Variants in ZFAND3 observed in about 807,000 individuals in gnomAD.
The protein encoded by ZFAND3 is AN1-type zinc finger protein 3.
Under a neutral mutation model 29.6 loss-of-function variants are expected in ZFAND3, and 10 were observed. The ratio of observed to expected loss-of-function variants is 0.34; its 90% CI spans 0.21 to 0.57. ZFAND3 has a LOEUF of 0.57. Ranked by LOEUF, ZFAND3 falls within the 20% of genes least tolerant of loss-of-function variation. ZFAND3 has a pLI of 0.86. For synonymous variants in ZFAND3, 128 were observed against 112.6 expected, an observed-to-expected ratio of 1.14 and a Z score of -0.87; for missense variants, 230 against 304.5, an observed-to-expected ratio of 0.76 and a Z score of 1.82.
intron 2 of ZFAND3, among the ~76,000 whole-genome samples, chr6:38,059,562 C>T (rs1174034132): frequency 3.3e-5 from 5 of 152,226 alleles, no homozygotes; most frequent in South Asian, 2.1e-4. Flanking sequence ...TTCTGAATTA[C>T]GCTAATATTC....
chr6:37,918,169 C>G (rs930726623), intron 1 of ZFAND3, among the ~76,000 whole-genome samples: 1 of 151,218 alleles, frequency 6.6e-6, no homozygotes, highest in Non-Finnish European at 1.5e-5. Flanking sequence ...CTCTGCCTCA[C>G]GGGTTCACGT....
At chr6:37,996,960 T>C (rs554141269) in intron 2 of ZFAND3, among the ~76,000 whole-genome samples, 1 of 152,318 alleles carries the variant, frequency 6.6e-6, no homozygotes, top group African/African-American at 2.4e-5. Flanking sequence ...ATTTTCTGCA[T>C]AGCATATTTT....
rs537019642 is a variant in ZFAND3 at position 37,949,533 on chromosome 6, C to T, written c.112+19534C>T. ...AGATCCCACAGGTTGAGGGCTCCTT[C>T]CCCAAGACTGCTCCCTCCTTTCCCC... On this transcript the variant is annotated intron_variant, in intron 2 of 5. Transcript: ENST00000287218. 3.7e-3 allele frequency among the ~76,000 whole-genome samples: 558 copies of T among 152,262 alleles called. 2 individuals carry two copies. The highest frequency in any genetic ancestry group is 5.6e-3 in the Non-Finnish European group (384 of 68,014).
intron 1 of ZFAND3, among the ~76,000 whole-genome samples, chr6:37,850,264 G>A (rs530916876): frequency 1.3e-5 from 2 of 152,248 alleles, no homozygotes; most frequent in Admixed American, 6.5e-5. Flanking sequence ...GAAGAGATGA[G>A]GTTTTTCTAT....
chr6:37,938,411 T>G (rs1462663750), intron 2 of ZFAND3, among the ~76,000 whole-genome samples: 1 of 152,254 alleles, frequency 6.6e-6, no homozygotes, highest in African/African-American at 2.4e-5. Flanking sequence ...CATTATAATG[T>G]GCCCTAATTT....
Position 38,061,822 on chromosome 6 carries a change from CTT to C in ZFAND3, c.295+49_295+50del, listed in dbSNP as rs755669159. 88 of 1,589,938 alleles carry C rather than the reference CTT, an allele frequency of 5.5e-5. 1 individual carries two copies. The highest frequency in any genetic ancestry group is 3.3e-4 in the Middle Eastern group (2 of 5,990). On this transcript the variant is annotated intron_variant, in intron 3 of 5. Transcript: ENST00000287218. ...GGTGGTAGAGAGAGCAGCTTAAGAA[CTT>C]TAGATGAGCATCTTGGTAATGCCTG...
intron 1 of ZFAND3, among the ~76,000 whole-genome samples, chr6:37,837,175 A>G (rs889825222): frequency 1.3e-5 from 2 of 152,204 alleles, no homozygotes; most frequent in Non-Finnish European, 2.9e-5. Context: ...AGGAAAAATT[A>G]GGTGAAGTAT....
chr6:37,919,666 T>C (rs1561934226), intron 1 of ZFAND3, among the ~76,000 whole-genome samples: 1 of 152,228 alleles, frequency 6.6e-6, no homozygotes, highest in African/African-American at 2.4e-5. Context: ...ATGATCTTCC[T>C]CACATTTCAA....
At chr6:37,824,182 T>G (rs920002858) in intron 1 of ZFAND3, among the ~76,000 whole-genome samples, 1 of 152,230 alleles carries the variant, frequency 6.6e-6, no homozygotes, top group Non-Finnish European at 1.5e-5. Flanking sequence ...ATTTTAGGCA[T>G]TTAGTACTCA....
In ZFAND3 at chr6:37,976,468, C is replaced by G. The variant is rs538212307; in HGVS notation, c.112+46469C>G. Among the ~76,000 whole-genome samples the G allele has an allele frequency of 2.4e-4, 37 of 151,430 alleles. No individual in the cohort carries two copies. In the South Asian group the frequency reaches 5.7e-3, roughly 23 times the overall value. On this transcript the variant is annotated intron_variant, in intron 2 of 5. Transcript: ENST00000287218. Reference sequence around the variant, plus strand: ...GAATGGTGGCACACACCTATAGTCCCAGCTACTTGGGAGGCTGAGGTGGAA... The same window carrying G: ...GAATGGTGGCACACACCTATAGTCCGAGCTACTTGGGAGGCTGAGGTGGAA...
chr6:37,927,829 G>C (rs1400130996), intron 1 of ZFAND3, among the ~76,000 whole-genome samples: 2 of 152,222 alleles, frequency 1.3e-5, no homozygotes, highest in African/African-American at 4.8e-5. Flanking sequence ...TATTGGGGCA[G>C]AGGCCGAAGT....
intron 2 of ZFAND3, among the ~76,000 whole-genome samples, chr6:37,935,182 A>G (rs920625387): frequency 6.6e-6 from 1 of 152,164 alleles, no homozygotes; most frequent in Non-Finnish European, 1.5e-5. Context: ...TGCATTTTGA[A>G]GTTGTGGAGA....
chr6:38,098,815 G>A (rs941064788), intron 4 of ZFAND3, among the ~76,000 whole-genome samples: 1 of 152,096 alleles, frequency 6.6e-6, no homozygotes, highest in African/African-American at 2.4e-5. Context: ...CTTAAACACA[G>A]TTAAAGTAAG....
chr6:38,003,825 G>T, intron 2 of ZFAND3: 1 of 451,884 alleles, frequency 2.2e-6, no homozygotes, highest in Non-Finnish European at 4.5e-6. Context: ...TCTTAACATT[G>T]CTATTTGTAT....
chr6:38,069,098 CCAAGCGG>C (rs1190775982), intron 3 of ZFAND3, among the ~76,000 whole-genome samples: 1 of 152,032 alleles, frequency 6.6e-6, no homozygotes, highest in Non-Finnish European at 1.5e-5. Flanking sequence ...ATCACTGCCA[CCAAGCGG>C]CTAAACTTCT....
chr6:38,019,077 A>G (rs1342591533), intron 2 of ZFAND3, among the ~76,000 whole-genome samples: 3 of 151,974 alleles, frequency 2.0e-5, no homozygotes, highest in Non-Finnish European at 4.4e-5. Flanking sequence ...ATTCTGTCTC[A>G]GCCTCCCAAG....
intron 1 of ZFAND3, among the ~76,000 whole-genome samples, chr6:37,896,564 T>TTCTTTCTTTCTTTCTTTCTTTCTC (rs1561925969): frequency 2.0e-5 from 3 of 146,416 alleles, no homozygotes; most frequent in African/African-American, 5.1e-5. Flanking sequence ...CTTTCTTTCT[T>TTCTTTCTTTCTTTCTTTCTTTCTC]TCTTTCTCTC....
At chr6:37,836,003 G>C (rs1763961705) in intron 1 of ZFAND3, among the ~76,000 whole-genome samples, 1 of 152,192 alleles carries the variant, frequency 6.6e-6, no homozygotes, top group Non-Finnish European at 1.5e-5. Flanking sequence ...GACAATCTAA[G>C]TGTGAAAATG....
At chr6:37,924,834 A>T (rs536831805) in intron 1 of ZFAND3, among the ~76,000 whole-genome samples, 5 of 152,120 alleles carry the variant, frequency 3.3e-5, no homozygotes, top group African/African-American at 1.2e-4. Flanking sequence ...AAAAATAAAA[A>T]AATAAATTGG....
Sources: allele counts gnomAD v4.1 joint callset (sites outside exome capture counted in the v4.1 genomes callset), GRCh38; gene constraint gnomAD v4.1.1; transcripts MANE v1.5; gene names NCBI Gene and HGNC (gene_info 2026-07-23, HGNC 2026-07-21).